The following ENOX1 variants were observed in gnomAD, a reference collection of about 807,000 sequenced individuals.
ENOX1 encodes the protein candidate growth-related and time keeping constitutive hydroquinone (NADH) oxidase.
A neutral mutation model predicts 82.5 loss-of-function variants in ENOX1; 42 were observed. The observed-to-expected ratio is 0.51, with a 90% CI of 0.40 to 0.66. The LOEUF is 0.66. ENOX1 is among the 30% of genes least tolerant of loss of function. ENOX1 has a pLI of 0.00. For synonymous variants in ENOX1, 271 were observed against 282.2 expected (o/e 0.96, Z 0.40); for missense variants, 608 against 811.6 (o/e 0.75, Z 3.05).
At chr13:43,247,908 C>T (rs1482609712) in intron 14 of ENOX1, among the ~76,000 whole-genome samples, 14 of 25,898 alleles carry the variant, frequency 5.4e-4, no homozygotes, top group African/African-American at 8.8e-4. Flanking sequence ...TTTTTTGAGA[C>T]GGAGTCTCGC....
intron 3 of ENOX1, among the ~76,000 whole-genome samples, chr13:43,478,224 A>G (rs1176615651): frequency 2.0e-5 from 3 of 152,064 alleles, no homozygotes; most frequent in African/African-American, 7.2e-5. Flanking sequence ...TTCTGAAAAA[A>G]CAGACTCCGT....
chr13:43,712,044 T>A (rs2087758580), intron 1 of ENOX1, among the ~76,000 whole-genome samples: 1 of 151,870 alleles, frequency 6.6e-6, no homozygotes, highest in South Asian at 2.1e-4. Context: ...CTAGGTTTTT[T>A]ATGGTTTTAG....
chr13:43,550,248 C>T (rs1327590215), intron 2 of ENOX1, among the ~76,000 whole-genome samples: 1 of 152,150 alleles, frequency 6.6e-6, no homozygotes, highest in Admixed American at 6.6e-5. Context: ...GACCCCTGCT[C>T]TAGGGTGCAG....
intron 1 of ENOX1, among the ~76,000 whole-genome samples, chr13:43,696,606 G>A (rs1029347724): frequency 6.6e-6 from 1 of 152,140 alleles, no homozygotes; most frequent in African/African-American, 2.4e-5. Flanking sequence ...GGATATCCAT[G>A]CTAGTTAGCA....
intron 3 of ENOX1, among the ~76,000 whole-genome samples, chr13:43,452,546 G>A (rs113149785): frequency 0.035 from 5,324 of 152,022 alleles, 326 homozygotes; most frequent in African/African-American, 0.12. Context: ...ATTTTGAGAC[G>A]GAGTCTCTCT....
At chr13:43,761,316 C>A (rs957691501) in intron 1 of ENOX1, among the ~76,000 whole-genome samples, 1 of 152,224 alleles carries the variant, frequency 6.6e-6, no homozygotes, top group Non-Finnish European at 1.5e-5. Flanking sequence ...TACAAAAACA[C>A]ATGGAACTAC....
chr13:43,613,327 C>T (rs764297344), intron 2 of ENOX1, among the ~76,000 whole-genome samples: 3 of 152,084 alleles, frequency 2.0e-5, no homozygotes, highest in Non-Finnish European at 2.9e-5. Context: ...CTATTGGGTA[C>T]AAGGTTTCTT....
chr13:43,387,514 A>T (rs557995385), intron 5 of ENOX1, among the ~76,000 whole-genome samples: 2 of 152,220 alleles, frequency 1.3e-5, no homozygotes, highest in East Asian at 3.9e-4. Context: ...TCAACAGGGG[A>T]TTCCCAAGGG....
intron 2 of ENOX1, among the ~76,000 whole-genome samples, chr13:43,581,240 C>T (rs970034093): frequency 4.1e-5 from 6 of 146,066 alleles, no homozygotes; most frequent in Non-Finnish European, 9.0e-5. Flanking sequence ...TCACGCCATT[C>T]TCCTGCCTCA....
chr13:43,483,277 G>A (rs558521163), intron 3 of ENOX1, among the ~76,000 whole-genome samples: 59 of 152,234 alleles, frequency 3.9e-4, no homozygotes, highest in African/African-American at 1.4e-3. Flanking sequence ...AAAGATGCAT[G>A]GACTGAATTT....
At chr13:43,455,999 G>C (rs1381455997) in intron 3 of ENOX1, among the ~76,000 whole-genome samples, 1 of 151,910 alleles carries the variant, frequency 6.6e-6, no homozygotes, top group Non-Finnish European at 1.5e-5. Context: ...GAAAACGTTT[G>C]GACTATCTAC....
chr13:43,561,732 G>C (rs1542813), intron 2 of ENOX1, among the ~76,000 whole-genome samples: 144,722 of 152,206 alleles, frequency 0.95, 69,224 homozygotes, highest in East Asian at 1. Context: ...GCTCATGCCT[G>C]TAATTCCAAC....
chr13:43,359,862 A>G lies in ENOX1; in HGVS notation c.578T>C (p.Ile193Thr). ...GTAATGCAAAGTACCAGAAAGGTAA[A>G]TGGCTTTATCAACCATGAATTCCTC... ...FAEEFMVDKA[I>T]YLSGYRMRLG... The change falls in exon 7 of 17, where the codon ATT (isoleucine) becomes ACT (threonine). Residue 193 changes from isoleucine to threonine, a missense_variant. Ile to Thr is a moderately conservative substitution (Grantham distance 89). Coordinates refer to ENST00000690772, the MANE Select transcript of ENOX1 (RefSeq NM_001347969.2). The G allele has an allele frequency of 1.2e-6, 2 of 1,614,152 alleles. No individual in the cohort carries two copies. The highest frequency in any genetic ancestry group is 2.2e-5 in the East Asian group (1 of 44,878).
intron 1 of ENOX1, among the ~76,000 whole-genome samples, chr13:43,729,426 CACTT>C (rs199996416): frequency 0.015 from 2,344 of 152,136 alleles, 51 homozygotes; most frequent in African/African-American, 0.049. Flanking sequence ...GCACAGGAAA[CACTT>C]AATTCATATA....
intron 10 of ENOX1, among the ~76,000 whole-genome samples, chr13:43,325,925 C>T (rs1012479145): frequency 2.6e-5 from 4 of 152,062 alleles, no homozygotes; most frequent in Admixed American, 6.6e-5. Flanking sequence ...ATATTCACTC[C>T]CCTTACAACA....
chr13:43,537,782 A>G (rs2078528961), intron 2 of ENOX1, among the ~76,000 whole-genome samples: 1 of 152,230 alleles, frequency 6.6e-6, no homozygotes, highest in South Asian at 2.1e-4. Flanking sequence ...CCACAGACAG[A>G]GAACATTACC....
At chr13:43,779,964 G>A (rs554875236) in intron 1 of ENOX1, among the ~76,000 whole-genome samples, 2 of 152,140 alleles carry the variant, frequency 1.3e-5, no homozygotes, top group East Asian at 1.9e-4. Context: ...AGACCATCCT[G>A]GCCAACACAG....
At chr13:43,699,992 T>C (rs1594462155) in intron 1 of ENOX1, among the ~76,000 whole-genome samples, 1 of 152,314 alleles carries the variant, frequency 6.6e-6, no homozygotes, top group East Asian at 1.9e-4. Flanking sequence ...TATATATTAA[T>C]TGTTCATTAT....
At chr13:43,580,666 G>C (rs1593927028) in intron 2 of ENOX1, among the ~76,000 whole-genome samples, 1 of 152,158 alleles carries the variant, frequency 6.6e-6, no homozygotes, top group East Asian at 1.9e-4. Context: ...GCCAAAAATT[G>C]CTTCAAAAAT....
Sources: allele counts gnomAD v4.1 joint callset (sites outside exome capture counted in the v4.1 genomes callset), GRCh38; gene constraint gnomAD v4.1.1; transcripts MANE v1.5; gene names NCBI Gene and HGNC (gene_info 2026-07-23, HGNC 2026-07-21).